Variants in ZFHX3 observed in about 807,000 individuals in gnomAD.
ZFHX3 encodes zinc finger homeobox 3, also known as zinc finger homeobox protein 3.
In ZFHX3, 42 loss-of-function variants were observed where a neutral mutation model predicts 279.1. The observed-to-expected ratio is 0.15, with a 90% CI of 0.12 to 0.19. The LOEUF (loss-of-function observed/expected upper bound fraction) is 0.19. ZFHX3 is among the 10% of genes least tolerant of loss of function. ZFHX3 has a pLI of 1.00. For missense variants in ZFHX3, 4,981 were observed against 4,754.0 expected, an observed-to-expected ratio of 1.05 and a Z score of -1.40; for synonymous variants, 2,293 against 1,957.8, an observed-to-expected ratio of 1.17 and a Z score of -4.52.
At chr16:73,517,542 G>A (rs1035497115) in intron 2 of ZFHX3, among the ~76,000 whole-genome samples, 3 of 152,200 alleles carry the variant, frequency 2.0e-5, no homozygotes, top group Non-Finnish European at 4.4e-5. Flanking sequence ...AGAAATCTGA[G>A]AGCATCAAAT....
At chr16:73,723,515 T>C (rs377008640) in intron 1 of ZFHX3, among the ~76,000 whole-genome samples, 3 of 152,200 alleles carry the variant, frequency 2.0e-5, no homozygotes. Context: ...ACACAGATTA[T>C]GAAATGGCAC....
At chr16:72,954,212 A>T (rs1961135647) in intron 2 of ZFHX3, among the ~76,000 whole-genome samples, 1 of 152,170 alleles carries the variant, frequency 6.6e-6, no homozygotes, top group African/African-American at 2.4e-5. Context: ...TCTACTGAAC[A>T]CACAAAAATT....
chr16:72,894,403 T>G (rs565949430), intron 3 of ZFHX3, among the ~76,000 whole-genome samples: 1 of 152,306 alleles, frequency 6.6e-6, no homozygotes, highest in South Asian at 2.1e-4. Context: ...GGCCATTTCC[T>G]AGGCCCTGAG....
intron 3 of ZFHX3, among the ~76,000 whole-genome samples, chr16:72,927,491 G>A (rs1402706992): frequency 1.3e-5 from 2 of 152,182 alleles, no homozygotes; most frequent in African/African-American, 4.8e-5. Flanking sequence ...AGGTGATGGG[G>A]GAAGTGACAT....
At chr16:73,423,031 C>CTT in intron 3 of ZFHX3, among the ~76,000 whole-genome samples, 1 of 152,086 alleles carries the variant, frequency 6.6e-6, no homozygotes, top group Admixed American at 6.5e-5. Flanking sequence ...CCTAATCTCC[C>CTT]CTTCTTTCTT....
intron 2 of ZFHX3, among the ~76,000 whole-genome samples, chr16:73,571,658 C>T (rs72801444): frequency 0.026 from 3,961 of 151,990 alleles, 72 homozygotes; most frequent in Non-Finnish European, 0.039. Context: ...AAAAAACCTT[C>T]AATAATAATT....
intron 2 of ZFHX3, among the ~76,000 whole-genome samples, chr16:73,604,721 G>A (rs1342121963): frequency 6.7e-6 from 1 of 148,454 alleles, no homozygotes; most frequent in East Asian, 2.0e-4. Context: ...CTCCAACCTG[G>A]GCGACAGAGG....
In ZFHX3 at chr16:73,568,233, A is replaced by G. The variant is rs1013592827; in HGVS notation, c.-1547+111947T>C. On this transcript the variant is annotated intron_variant, in intron 2 of 17. Transcript: ENST00000641206. The stretch of plus-strand genomic sequence containing the variant: ...AGGTCATTAAGCAACTATTAAAAAC[A>G]CAAGTGAGAAAACCCAAAGCGTGGG... 3.3e-5 allele frequency among the ~76,000 whole-genome samples: 5 copies of G among 149,486 alleles called. 1 individual carries two copies. Among genetic ancestry groups the G allele is most frequent in the Admixed American group, 1.3e-4 (2 of 15,146 alleles).
chr16:73,623,634 C>G (rs1264770310), intron 2 of ZFHX3, among the ~76,000 whole-genome samples: 1 of 152,140 alleles, frequency 6.6e-6, no homozygotes, highest in Non-Finnish European at 1.5e-5. Context: ...GGGTTTACAT[C>G]AAATGTGCAT....
chr16:72,935,186 C>T (rs959667625), intron 3 of ZFHX3, among the ~76,000 whole-genome samples: 3 of 152,130 alleles, frequency 2.0e-5, no homozygotes, highest in African/African-American at 7.2e-5. Flanking sequence ...CTGCGCATAG[C>T]GGGTGCTCAA....
At chr16:73,808,525 C>A (rs1025504182) in intron 1 of ZFHX3, 2 of 152,102 alleles carry the variant, frequency 1.3e-5, no homozygotes, top group African/African-American at 4.8e-5. Context: ...GAAATAGATA[C>A]CCAGGCACAC....
intron 1 of ZFHX3, among the ~76,000 whole-genome samples, chr16:73,040,423 C>T (rs1232262854): frequency 6.6e-6 from 1 of 152,172 alleles, no homozygotes; most frequent in African/African-American, 2.4e-5. Flanking sequence ...CCACAAATCA[C>T]TACAAACAAG....
chr16:72,812,052 T>C lies in ZFHX3; in HGVS notation c.3530-14A>G, dbSNP rs769323817. ...GGCTGGACGATGCTAAAAGAGAAAG[T>C]AGAAGATGCAATACAGCAGCCAGAC... On this transcript the variant is annotated splice_polypyrimidine_tract_variant and intron_variant, in intron 5 of 9. Coordinates refer to ENST00000268489, the MANE Select transcript of ZFHX3 (RefSeq NM_006885.4). 8.2e-5 allele frequency: 133 copies of C among 1,613,370 alleles called. No individual in the cohort carries two copies. Among genetic ancestry groups the C allele is most frequent in the Non-Finnish European group, 1.1e-4 (131 of 1,179,746 alleles).
rs781128680 is a variant in ZFHX3 at position 72,787,917 on chromosome 16, G to A, written c.10359C>T (p.Tyr3453=). The change falls in exon 10 of 10, where the codon TAC becomes TAT. Residue 3453 remains tyrosine (Y), a synonymous_variant. Transcript: ENST00000268489. ...GCACCTTTGGAACAATGAAGGGGTC[G>A]TAGAGGGAGTCCGCACTTTTGCTTT... ...EAESKSADSL[Y]DPFIVPKVQY... is the part of the protein sequence containing the mutation. 19 of 1,613,970 alleles carry A rather than the reference G, an allele frequency of 1.2e-5. No homozygotes were observed. The highest frequency in any genetic ancestry group is 2.2e-5 in the South Asian group (2 of 91,080).
intron 1 of ZFHX3, among the ~76,000 whole-genome samples, chr16:73,868,035 C>T (rs918361938): frequency 3.3e-5 from 5 of 152,210 alleles, no homozygotes; most frequent in South Asian, 2.1e-4. Context: ...GCTCCCTTCT[C>T]CTGCCCCTCC....
At chr16:73,108,066 C>A (rs962521494) in intron 7 of ZFHX3, among the ~76,000 whole-genome samples, 1 of 152,142 alleles carries the variant, frequency 6.6e-6, no homozygotes, top group Non-Finnish European at 1.5e-5. Flanking sequence ...GAGGCCGAGG[C>A]AGGAGAATGG....
chr16:73,697,818 T>C (rs1482976645), intron 1 of ZFHX3, among the ~76,000 whole-genome samples: 2 of 152,190 alleles, frequency 1.3e-5, no homozygotes, highest in African/African-American at 2.4e-5. Context: ...AATACTGGTA[T>C]GGTTGTATGC....
chr16:73,487,153 A>G (rs972495427), intron 2 of ZFHX3, among the ~76,000 whole-genome samples: 53 of 152,230 alleles, frequency 3.5e-4, no homozygotes, highest in Admixed American at 6.5e-5. Context: ...GGAAATGGCA[A>G]AAGACTATCA....
chr16:73,750,405 C>T (rs747674066), intron 1 of ZFHX3, among the ~76,000 whole-genome samples: 8 of 152,222 alleles, frequency 5.3e-5, no homozygotes, highest in African/African-American at 1.4e-4. Context: ...TCATGATAAT[C>T]GCATTTGCAG....
Sources: gnomAD v4.1 joint callset for allele counts (sites outside exome capture counted in the v4.1 genomes callset) on GRCh38, gnomAD v4.1.1 for gene constraint, MANE v1.5 for transcripts, NCBI Gene and HGNC (gene_info 2026-07-23, HGNC 2026-07-21) for gene names.